Variants in B4GALNT1 observed in about 807,000 individuals in gnomAD.
B4GALNT1 encodes beta-1,4-N-acetyl-galactosaminyltransferase 1.
B4GALNT1 carries 43 observed loss-of-function variants against 55.2 expected under a neutral mutation model. The ratio of observed to expected loss-of-function variants is 0.78; its 90% CI spans 0.61 to 1.00. B4GALNT1 has a LOEUF of 1.00. Ranked by LOEUF, B4GALNT1 falls within the 50% of genes least tolerant of loss-of-function variation. The pLI, the probability that B4GALNT1 is intolerant of heterozygous loss-of-function variation, is 0.00. For missense variants in B4GALNT1, 664 were observed against 729.7 expected (o/e 0.91, Z 1.04); for synonymous variants, 305 against 311.6 (o/e 0.98, Z 0.22).
intron 8 of B4GALNT1, 122 bp downstream of exon 8, chr12:57,628,591 T>C: frequency 3.5e-5 from 43 of 1,231,068 alleles, no homozygotes; most frequent in Non-Finnish European, 4.9e-5. Flanking sequence ...TCCTCATGCT[T>C]AACAGGCACC....
intron 8 of B4GALNT1, 122 bp from the exon 9 acceptor site, chr12:57,628,384 C>G: frequency 7.0e-7 from 1 of 1,438,012 alleles, no homozygotes; most frequent in Admixed American, 2.1e-5. Context: ...TGAGTGCTTT[C>G]GAAAGGCCAG....
At chr12:57,629,777 C>A in intron 6 of B4GALNT1, 1 of 1,437,164 alleles carries the variant, frequency 7.0e-7, no homozygotes, top group Non-Finnish European at 9.1e-7. Context: ...GCAAAGAGGG[C>A]TTTTAGGCCT....
In B4GALNT1 at chr12:57,626,812, C is replaced by G; in HGVS notation, c.1534G>C (p.Glu512Gln). 1 of 1,614,214 alleles carries G rather than the reference C, an allele frequency of 6.2e-7. No homozygotes were observed. Among genetic ancestry groups the G allele is most frequent in the East Asian group, 2.2e-5 (1 of 44,890 alleles). Residue 512 changes from glutamate (E) to glutamine (Q), a missense_variant, in exon 11 of 11, where the codon GAG (glutamate) becomes CAG (glutamine). By Grantham distance (29) the Glu-to-Gln change is conservative. Transcript: ENST00000341156. ...AGCCGGTGTTTGGCCATCTGGCTCT[C>G]GTCCAGTGATCCTGGGTAACGGTAC... is the stretch of plus-strand genomic sequence containing the variant. Reference protein sequence around the residue: ...ARYRYPGSLDESQMAKHRLLF... With the variant: ...ARYRYPGSLDQSQMAKHRLLF...
At position 57,628,165 on chromosome 12, in the gene B4GALNT1, AG is replaced by A; in HGVS notation, c.1099del (p.Leu367TrpfsTer34). ...CTCCAGCACGTCCACAAGCCTCTCCAGCCGCGTCCGCGCCGTGAAGACGAAG... is the reference window on the plus strand; with the variant it reads ...CTCCAGCACGTCCACAAGCCTCTCCACCGCGTCCGCGCCGTGAAGACGAAG... ...DDFVFTARTR[L>X]ERLVDVLERT... On this transcript the variant is annotated frameshift_variant, in exon 9 of 11. Coordinates refer to ENST00000341156, the MANE Select transcript of B4GALNT1 (RefSeq NM_001478.5). LOFTEE classifies it high-confidence loss of function. 6.2e-7 allele frequency: 1 copy of A among 1,614,190 alleles called. No homozygotes were observed. Among genetic ancestry groups the A allele is most frequent in the Non-Finnish European group, 8.5e-7 (1 of 1,180,042 alleles).
Position 57,628,100 on chromosome 12 carries a change from C to T in B4GALNT1, c.1143+22G>A, listed in dbSNP as rs1286168508. 5.0e-6 allele frequency: 8 copies of T among 1,612,694 alleles called. No individual in the cohort carries two copies. The South Asian group carries it at 5.5e-5, about 11-fold the overall frequency. On this transcript the variant is annotated intron_variant, in intron 9 of 10. Transcript: ENST00000341156. ...TGTTCAAGGCCCTTCTCCACCCCCA[C>T]ATCCTGCAGCCCCTGCCCTACCAGG... is the stretch of plus-strand genomic sequence containing the variant.
intron 1 of B4GALNT1, 94 bp from the exon 2 acceptor site, chr12:57,632,227 C>A (rs780048927): frequency 4.8e-6 from 6 of 1,250,702 alleles, no homozygotes; most frequent in Non-Finnish European, 6.9e-6. Context: ...AGGCTCCTGC[C>A]GGCTCCCAAG....
At chr12:57,627,281 G>T (rs1195683454) in intron 10 of B4GALNT1, among the ~76,000 whole-genome samples, 1 of 152,022 alleles carries the variant, frequency 6.6e-6, no homozygotes, top group African/African-American at 2.4e-5. Context: ...TGATGGGGAA[G>T]CTTATGGGGG....
rs773220909 is a variant in B4GALNT1, at chr12:57,628,840, A to G, written c.875T>C (p.Leu292Pro). The G allele has an allele frequency of 6.2e-6, 10 of 1,614,246 alleles. No individual in the cohort carries two copies. The highest frequency in any genetic ancestry group is 7.6e-6 in the Non-Finnish European group (9 of 1,180,048). The change falls in exon 8 of 11, where the codon CTA becomes CCA. Residue 292 changes from leucine to proline, a missense_variant. By Grantham distance (98) the Leu-to-Pro change is moderately conservative. Coordinates refer to ENST00000341156, the MANE Select transcript of B4GALNT1 (RefSeq NM_001478.5). ...ATKTFLRYDR[L>P]RALITSIRRF... is the part of the protein sequence containing the mutation. ...GCGGATACTGGTGATGAGAGCCCGT[A>G]GCCGATCATAACGGAGGAAGGTCTT...
At chr12:57,627,571 C>T (rs780687221) in intron 10 of B4GALNT1, 47 bp downstream of exon 10, 4 of 1,532,516 alleles carry the variant, frequency 2.6e-6, no homozygotes, top group Non-Finnish European at 3.5e-6. Context: ...TGCGCCAGCT[C>T]CCCGTGGGGC....
Position 57,625,422 on chromosome 12 carries a change from T to C in B4GALNT1, c.*1322A>G. The C allele has an allele frequency of 6.2e-7, 1 of 1,614,108 alleles. No homozygotes were observed. Among genetic ancestry groups the C allele is most frequent in the Non-Finnish European group, 8.5e-7 (1 of 1,180,004 alleles). ...CCCATCCCTGCAGCTGGCCAGCCGA[T>C]GTCGAGATGCTAGGATCCGCCTCCT... On this transcript the variant is annotated 3_prime_UTR_variant, in exon 11 of 11. Coordinates refer to ENST00000341156, the MANE Select transcript of B4GALNT1 (RefSeq NM_001478.5).
rs754492037 is a variant in B4GALNT1, at chr12:57,624,565, T to C, written c.*2179A>G. The C allele has an allele frequency of 2.5e-5, 16 of 649,954 alleles. No individual in the cohort carries two copies. The highest frequency in any genetic ancestry group is 4.2e-5 in the Non-Finnish European group (14 of 335,216). 40.3% of individuals were successfully genotyped at this position (649,954 alleles called of 1,614,324 possible). A position where few individuals can be genotyped will look rare whatever the true frequency, so the allele number is the denominator to read the frequency against. On this transcript the variant is annotated 3_prime_UTR_variant, in exon 11 of 11. Transcript: ENST00000341156. ...GTGTGGATTTGGGCCTGGCTGTGGGTGTGGTCTTCTCCATGATGACTGTGG... is the reference window on the plus strand; with the variant it reads ...GTGTGGATTTGGGCCTGGCTGTGGGCGTGGTCTTCTCCATGATGACTGTGG...
At position 57,624,224 on chromosome 12, in the gene B4GALNT1, T is replaced by G. The variant is rs551152685; in HGVS notation, c.*2520A>C. The stretch of plus-strand genomic sequence containing the variant: ...AACCCACCCACTCCCCCAGCAAACA[T>G]AACTCCTAGTATGCTTTACTCACAG... On this transcript the variant is annotated 3_prime_UTR_variant, in exon 11 of 11. Coordinates refer to ENST00000341156, the MANE Select transcript of B4GALNT1 (RefSeq NM_001478.5). 2.4e-6 allele frequency: 2 copies of G among 847,954 alleles called. No individual in the cohort carries two copies. The highest frequency in any genetic ancestry group is 1.7e-5 in the African/African-American group (1 of 58,918). The allele number at this position is 847,954 out of a possible 1,614,324, so 52.5% of individuals were successfully genotyped here.
chr12:57,632,340 CT>C, intron 1 of B4GALNT1: 1 of 696,200 alleles, frequency 1.4e-6, no homozygotes, highest in Non-Finnish European at 2.6e-6. Flanking sequence ...TCCCGGCCTC[CT>C]TTCTTCTCGC....
rs1234310866 is a variant in B4GALNT1, at chr12:57,627,853, C to T, written c.1149G>A (p.Gly383=). The T allele has an allele frequency of 6.3e-7, 1 of 1,581,250 alleles. No individual in the cohort carries two copies. Among genetic ancestry groups the T allele is most frequent in the Non-Finnish European group, 8.6e-7 (1 of 1,162,520 alleles). Residue 383 remains glycine, a synonymous_variant, in exon 10 of 11, where the codon GGG becomes GGA. Coordinates refer to ENST00000341156, the MANE Select transcript of B4GALNT1 (RefSeq NM_001478.5). ...AGCCGGAGATCTCGCGCACCGCGCC[C>T]CCCACCTGCAGGGAGAGGGAGGTTG... The part of the protein sequence containing the change: ...VLERTPLDLV[G]GAVREISGFA...
rs147972727 is a variant in B4GALNT1, at chr12:57,632,088, G to C, written c.45C>G (p.Leu15=). The C allele has an allele frequency of 9.9e-5, 144 of 1,448,120 alleles. No homozygotes were observed. The highest frequency in any genetic ancestry group is 1.8e-6 in the Non-Finnish European group (2 of 1,097,994). The allele number at this position is 1,448,120 out of a possible 1,614,324, so 89.7% of individuals were successfully genotyped here. The change falls in exon 2 of 11, where the codon CTC becomes CTG. Residue 15 remains leucine (L), a synonymous_variant. Transcript: ENST00000341156. ...ACAGGAGCCCCAGCGAGGCGCAGGCGAGCAGAAGGACCAGAGCGCACAGGG... is the reference window on the plus strand; with the variant it reads ...ACAGGAGCCCCAGCGAGGCGCAGGCCAGCAGAAGGACCAGAGCGCACAGGG... ...RRALCALVLL[L]ACASLGLLYA...
Position 57,630,972 on chromosome 12 carries a change from C to G in B4GALNT1, c.490+8G>C. On this transcript the variant is annotated splice_region_variant and intron_variant, in intron 4 of 10. Coordinates refer to ENST00000341156, the MANE Select transcript of B4GALNT1 (RefSeq NM_001478.5). ...GCTGAGGTCATCCTCTGGGACCCTC[C>G]TCCCTACCTGGCACCAAGATGCTCC... 1 of 1,611,168 alleles carries G rather than the reference C, an allele frequency of 6.2e-7. No homozygotes were observed. Among genetic ancestry groups the G allele is most frequent in the African/African-American group, 1.3e-5 (1 of 74,942 alleles).
intron 3 of B4GALNT1, 25 bp downstream of exon 3, chr12:57,631,175 T>A: frequency 1.9e-6 from 3 of 1,613,082 alleles, no homozygotes; most frequent in Non-Finnish European, 2.5e-6. Context: ...CCCTGAGGAG[T>A]CATGCGCTTC....
At chr12:57,631,872 C>T (rs1454396716) in intron 2 of B4GALNT1, 43 bp downstream of exon 2, 1 of 1,362,046 alleles carries the variant, frequency 7.3e-7, no homozygotes, top group East Asian at 2.8e-5. Context: ...CCCCAGACCA[C>T]CCCCAGCGAG....
intron 2 of B4GALNT1, 47 bp downstream of exon 2, chr12:57,631,868 A>G (rs769077357): frequency 4.2e-5 from 57 of 1,355,574 alleles, no homozygotes; most frequent in Non-Finnish European, 9.5e-6. Flanking sequence ...AAGCCCCCAG[A>G]CCACCCCCAG....
Sources: allele counts gnomAD v4.1 joint callset (sites outside exome capture counted in the v4.1 genomes callset), GRCh38; gene constraint gnomAD v4.1.1; transcripts MANE v1.5; gene names NCBI Gene and HGNC (gene_info 2026-07-23, HGNC 2026-07-21).